LHX6: variants seen among roughly 807,000 people sequenced by gnomAD.
LHX6 encodes LIM/homeobox protein Lhx6.
In LHX6, 15 loss-of-function variants were observed where a neutral mutation model predicts 47.1. The observed-to-expected ratio is 0.32, with a 90% CI of 0.21 to 0.49. LHX6 has a LOEUF of 0.49. LHX6 is among the 20% of genes least tolerant of loss of function. The pLI is 0.99. For missense variants in LHX6, 404 were observed against 539.6 expected, an observed-to-expected ratio of 0.75 and a Z score of 2.49; for synonymous variants, 242 against 233.5, an observed-to-expected ratio of 1.04 and a Z score of -0.33.
At chr9:122,207,135 C>T (rs1564431658) in intron 9 of LHX6, among the ~76,000 whole-genome samples, 1 of 152,204 alleles carries the variant, frequency 6.6e-6, no homozygotes, top group Non-Finnish European at 1.5e-5. Flanking sequence ...TCCCCTCCCA[C>T]AGGAAGGGAC....
intron 2 of LHX6, 67 bp from the exon 3 acceptor site, chr9:122,227,097 C>A: frequency 7.1e-7 from 1 of 1,408,304 alleles, no homozygotes; most frequent in Non-Finnish European, 9.3e-7. Context: ...GCCTTGGAGA[C>A]AAATCTGGGG....
intron 5 of LHX6, 92 bp downstream of exon 5, chr9:122,216,976 G>A: frequency 9.3e-7 from 1 of 1,079,350 alleles, no homozygotes; most frequent in South Asian, 1.5e-5. Flanking sequence ...GGCCCAATCG[G>A]TAGAGGAGTG....
At chr9:122,225,406 T>C (rs1236819617) in intron 4 of LHX6, among the ~76,000 whole-genome samples, 1 of 152,382 alleles carries the variant, frequency 6.6e-6, no homozygotes, top group Non-Finnish European at 1.5e-5. Flanking sequence ...GACAAGGCCA[T>C]GACCCTGCAG....
At chr9:122,210,933 G>C (rs895642965) in intron 8 of LHX6, among the ~76,000 whole-genome samples, 1 of 152,126 alleles carries the variant, frequency 6.6e-6, no homozygotes, top group African/African-American at 2.4e-5. Flanking sequence ...AAAGCTCCAC[G>C]AGGGCAGGAA....
chr9:122,213,852 G>A lies in LHX6; in HGVS notation c.880-72C>T, dbSNP rs767158675. On this transcript the variant is annotated intron_variant, in intron 7 of 9. Coordinates refer to ENST00000394319, the MANE Select transcript of LHX6 (RefSeq NM_014368.5). This position sits in a 1 kb window ranked among gnomAD's most constrained non-coding sequence, Gnocchi z 5.5. ...ACGCGCCGCCGGGAGACCCCAGGCG[G>A]GACTGCCTCGTCGCCTCCTGGAGAA... is the stretch of plus-strand genomic sequence containing the variant. The A allele has an allele frequency of 1.3e-6, 2 of 1,530,736 alleles. No individual in the cohort carries two copies. Among genetic ancestry groups the A allele is most frequent in the African/African-American group, 2.7e-5 (2 of 73,020 alleles). The allele number at this position is 1,530,736 out of a possible 1,614,324, so 94.8% of individuals were successfully genotyped here. A position where few individuals can be genotyped will look rare whatever the true frequency, so the allele number is the denominator to read the frequency against.
chr9:122,228,490 C>A (rs1333300672), intron 1 of LHX6, 167 bp downstream of exon 1: 3 of 1,331,006 alleles, frequency 2.3e-6, no homozygotes, highest in Non-Finnish European at 2.9e-6. Context: ...TCCGCGACCC[C>A]CCCCCCCCGC....
In LHX6 at chr9:122,228,895, G is replaced by T; in HGVS notation, c.-155C>A. 1 of 316,674 alleles carries T rather than the reference G, an allele frequency of 3.2e-6. No individual in the cohort carries two copies. The highest frequency in any genetic ancestry group is 5.0e-6 in the Non-Finnish European group (1 of 201,906). 19.6% of individuals were successfully genotyped at this position (316,674 alleles called of 1,614,324 possible). A position where few individuals can be genotyped will look rare whatever the true frequency, so the allele number is the denominator to read the frequency against. ...GGGCCCGGCCTCAGCCCCCGCCCCC[G>T]GCCCGCGCGCAGCCCCGGCCTCCCT... is the stretch of plus-strand genomic sequence containing the variant. On this transcript the variant is annotated 5_prime_UTR_variant, in exon 1 of 10. Coordinates refer to ENST00000394319, the MANE Select transcript of LHX6 (RefSeq NM_014368.5).
chr9:122,213,703 C>T lies in LHX6; in HGVS notation c.957G>A (p.Pro319=), dbSNP rs566096736. 6.2e-7 allele frequency: 1 copy of T among 1,612,606 alleles called. No individual in the cohort carries two copies. Among genetic ancestry groups the T allele is most frequent in the Non-Finnish European group, 8.5e-7 (1 of 1,179,712 alleles). ...QHPVPPSGAP[P]SRLPSALSDD... is the part of the protein sequence containing the mutation. ...CGGACAGGGCGGAGGGAAGGCGGGA[C>T]GGGGGCGCCCCCGAGGGCGGCACTG... Residue 319 remains proline, a synonymous_variant, in exon 8 of 10, where the codon CCG becomes CCA. Transcript: ENST00000394319. The surrounding 1 kb of genome is among the most constrained non-coding windows in gnomAD (Gnocchi z 5.5).
Position 122,213,859 on chromosome 9 carries a change from C to G in LHX6, c.880-79G>C, listed in dbSNP as rs1474222404. Reference sequence around the variant, plus strand: ...GCCGGGAGACCCCAGGCGGGACTGCCTCGTCGCCTCCTGGAGAAGGATGGC... The same window carrying G: ...GCCGGGAGACCCCAGGCGGGACTGCGTCGTCGCCTCCTGGAGAAGGATGGC... On this transcript the variant is annotated intron_variant, in intron 7 of 9. Coordinates refer to ENST00000394319, the MANE Select transcript of LHX6 (RefSeq NM_014368.5). The surrounding 1 kb of genome is among the most constrained non-coding windows in gnomAD (Gnocchi z 5.5). The G allele has an allele frequency of 6.6e-7, 1 of 1,525,544 alleles. No homozygotes were observed. The highest frequency in any genetic ancestry group is 1.2e-5 in the South Asian group (1 of 84,352). 94.5% of individuals were successfully genotyped at this position (1,525,544 alleles called of 1,614,324 possible). A position where few individuals can be genotyped will look rare whatever the true frequency, so the allele number is the denominator to read the frequency against.
chr9:122,205,192 C>T (rs1830126564), intron 9 of LHX6, among the ~76,000 whole-genome samples: 2 of 152,190 alleles, frequency 1.3e-5, no homozygotes, highest in Admixed American at 1.3e-4. Context: ...CGTGGGCACA[C>T]AGCGAGGAGG....
At chr9:122,215,944 GT>G (rs541982241) in intron 5 of LHX6, among the ~76,000 whole-genome samples, 252 of 152,302 alleles carry the variant, frequency 1.7e-3, no homozygotes, top group African/African-American at 5.8e-3. Flanking sequence ...GGATTGGTGT[GT>G]TGGTTTTTTA....
chr9:122,218,394 C>T (rs746390286), intron 4 of LHX6, among the ~76,000 whole-genome samples: 1 of 152,146 alleles, frequency 6.6e-6, no homozygotes, highest in Non-Finnish European at 1.5e-5. Context: ...ACTCCTCTCT[C>T]TCCTCAACCC....
intron 4 of LHX6, chr9:122,221,286 C>T (rs917600378): frequency 2.4e-5 from 24 of 985,344 alleles, no homozygotes; most frequent in Non-Finnish European, 2.7e-5. Flanking sequence ...GAGGTCCCGG[C>T]CCCGAGGCTC....
intron 8 of LHX6, among the ~76,000 whole-genome samples, chr9:122,212,101 T>C (rs1445178143): frequency 6.6e-6 from 1 of 152,104 alleles, no homozygotes; most frequent in Non-Finnish European, 1.5e-5. Flanking sequence ...CCAATACTTA[T>C]GCGGCACTTG....
chr9:122,212,370 A>T (rs933859992), intron 8 of LHX6, among the ~76,000 whole-genome samples: 1 of 152,114 alleles, frequency 6.6e-6, no homozygotes, highest in Non-Finnish European at 1.5e-5. Context: ...ATTCAAGGAG[A>T]TGGTGGCCTC....
intron 4 of LHX6, among the ~76,000 whole-genome samples, chr9:122,225,658 G>A (rs1831062906): frequency 6.6e-6 from 1 of 152,264 alleles, no homozygotes; most frequent in Non-Finnish European, 1.5e-5. Context: ...GGCCAAAGTC[G>A]GGCCAAAACA....
intron 9 of LHX6, among the ~76,000 whole-genome samples, chr9:122,207,876 C>G (rs560432486): frequency 1.3e-5 from 2 of 152,228 alleles, no homozygotes; most frequent in East Asian, 3.9e-4. Flanking sequence ...TCTCTGAGAG[C>G]GAGGCTTAGG....
intron 8 of LHX6, among the ~76,000 whole-genome samples, chr9:122,211,310 C>A (rs931993603): frequency 2.6e-5 from 4 of 152,170 alleles, no homozygotes; most frequent in Admixed American, 1.3e-4. Flanking sequence ...ATTGGGAGTT[C>A]TTCACCTGGG....
intron 1 of LHX6, chr9:122,227,949 T>TCCGGGGGGGCCCCCCCCCCCCCCCCCCC: frequency 5.7e-6 from 1 of 176,980 alleles, no homozygotes. Context: ...TTTTTCTCTC[T>TCCGGGGGGGCCCCCCCCCCCCCCCCCCC]CCACCCGCCC....
Sources: allele counts gnomAD v4.1 joint callset (sites outside exome capture counted in the v4.1 genomes callset), GRCh38; gene constraint gnomAD v4.1.1; non-coding constraint Gnocchi (gnomAD v3.1); transcripts MANE v1.5; gene names NCBI Gene and HGNC (gene_info 2026-07-23, HGNC 2026-07-21).